MBNL2: variants seen among roughly 807,000 people sequenced by gnomAD.
The protein encoded by MBNL2 is muscleblind like splicing regulator 2.
MBNL2 carries 17 observed loss-of-function variants against 41.9 expected under a neutral mutation model. The ratio of observed to expected loss-of-function variants is 0.41; its 90% CI spans 0.28 to 0.61. The LOEUF is 0.61. Ranked by LOEUF, MBNL2 falls within the 20% of genes least tolerant of loss-of-function variation. The probability of loss-of-function intolerance (pLI) is 0.35; values close to 1 mark genes in which losing one functional copy is unlikely to be tolerated. For missense variants in MBNL2, 336 were observed against 505.6 expected (o/e 0.66, Z 3.22); for synonymous variants, 195 against 182.9 (o/e 1.07, Z -0.53).
intron 3 of MBNL2, among the ~76,000 whole-genome samples, chr13:97,340,509 G>A (rs1222521286): frequency 6.6e-6 from 1 of 152,154 alleles, no homozygotes; most frequent in Non-Finnish European, 1.5e-5. Context: ...GATTTTTACA[G>A]TATTAATGAG....
At chr13:97,308,220 C>T (rs1028969033) in intron 2 of MBNL2, among the ~76,000 whole-genome samples, 1 of 152,184 alleles carries the variant, frequency 6.6e-6, no homozygotes, top group Admixed American at 6.5e-5. Context: ...AAAACTGTTG[C>T]GAGGGCTTTA....
intron 1 of MBNL2, among the ~76,000 whole-genome samples, chr13:97,230,602 A>G (rs1285918568): frequency 2.0e-5 from 3 of 152,254 alleles, no homozygotes; most frequent in Non-Finnish European, 4.4e-5. Context: ...CTTGGGGAAC[A>G]TGGCAAGGGC....
At chr13:97,310,884 A>G (rs2058544847) in intron 2 of MBNL2, among the ~76,000 whole-genome samples, 1 of 151,762 alleles carries the variant, frequency 6.6e-6, no homozygotes, top group Non-Finnish European at 1.5e-5. Flanking sequence ...TTTATTAGAT[A>G]GAACTTTAGC....
the MBNL2 span, among the ~76,000 whole-genome samples, chr13:97,190,251 A>G: frequency 6.6e-6 from 1 of 152,342 alleles, no homozygotes; most frequent in Non-Finnish European, 1.5e-5. Flanking sequence ...TGTTCTGTGT[A>G]AATAAATGTT....
intron 8 of MBNL2, among the ~76,000 whole-genome samples, chr13:97,375,334 G>A (rs1021645200): frequency 1.3e-5 from 2 of 152,188 alleles, no homozygotes; most frequent in Non-Finnish European, 2.9e-5. Context: ...CCTAGTCAAA[G>A]AGATCTGAAA....
chr13:97,142,665 A>G, the MBNL2 span, among the ~76,000 whole-genome samples: 1 of 152,100 alleles, frequency 6.6e-6, no homozygotes, highest in Admixed American at 6.5e-5. Flanking sequence ...CGGCTTTCCT[A>G]GGTATCTCCT....
the MBNL2 span, among the ~76,000 whole-genome samples, chr13:97,155,790 C>A: frequency 6.6e-6 from 1 of 151,898 alleles, no homozygotes; most frequent in East Asian, 1.9e-4. Context: ...TTAATCCAGT[C>A]TATCATTGTT....
the MBNL2 span, among the ~76,000 whole-genome samples, chr13:97,151,998 C>G: frequency 6.6e-6 from 1 of 151,934 alleles, no homozygotes; most frequent in Admixed American, 6.6e-5. Flanking sequence ...CCAAGGATGA[C>G]CAGTAATTTT....
chr13:97,278,634 A>G (rs2052690550), intron 2 of MBNL2, among the ~76,000 whole-genome samples: 1 of 152,230 alleles, frequency 6.6e-6, no homozygotes, highest in African/African-American at 2.4e-5. Context: ...GCATAAAAAC[A>G]TAAGCCAAGT....
chr13:97,222,521 A>C lies in MBNL2; in HGVS notation c.-615A>C. 2.5e-6 allele frequency: 1 copy of C among 398,606 alleles called. No individual in the cohort carries two copies. The highest frequency in any genetic ancestry group is 3.6e-5 in the East Asian group (1 of 28,082). The allele number at this position is 398,606 out of a possible 1,614,324, so 24.7% of individuals were successfully genotyped here. A position where few individuals can be genotyped will look rare whatever the true frequency, so the allele number is the denominator to read the frequency against. On this transcript the variant is annotated 5_prime_UTR_variant, in exon 1 of 9. Transcript: ENST00000679496. ...TACTGTAAATGGGAAGGACAGGCAG[A>C]GCTAAACAAGGTAGGAGAATCGCCC...
intron 2 of MBNL2, among the ~76,000 whole-genome samples, chr13:97,296,418 G>A (rs894405713): frequency 6.6e-6 from 1 of 152,134 alleles, no homozygotes; most frequent in Non-Finnish European, 1.5e-5. Flanking sequence ...TCATGTCTTT[G>A]AGTATCTGAA....
At chr13:97,212,640 C>A in the MBNL2 span, among the ~76,000 whole-genome samples, 1 of 152,190 alleles carries the variant, frequency 6.6e-6, no homozygotes, top group Non-Finnish European at 1.5e-5. Context: ...GGAAAGGTTA[C>A]TTAATCATTC....
chr13:97,237,548 G>A (rs180876466), intron 1 of MBNL2, among the ~76,000 whole-genome samples: 13 of 152,324 alleles, frequency 8.5e-5, no homozygotes, highest in Non-Finnish European at 1.8e-4. Flanking sequence ...ATGCCTGTGA[G>A]ATTAGTGCCA....
chr13:97,159,793 A>T, the MBNL2 span, among the ~76,000 whole-genome samples: 5 of 151,214 alleles, frequency 3.3e-5, no homozygotes, highest in Admixed American at 6.6e-5. Context: ...CTTCCCTTTG[A>T]GGGTAACCCG....
At chr13:97,168,260 G>C in the MBNL2 span, among the ~76,000 whole-genome samples, 2 of 152,086 alleles carry the variant, frequency 1.3e-5, no homozygotes, top group Non-Finnish European at 2.9e-5. Context: ...CACCATGCCC[G>C]GCCTTGCGTA....
the MBNL2 span, among the ~76,000 whole-genome samples, chr13:97,156,866 C>G: frequency 8.2e-4 from 125 of 152,302 alleles, no homozygotes; most frequent in Non-Finnish European, 1.6e-3. Context: ...TTAGGATTGA[C>G]TTGGTGATGC....
chr13:97,382,504 A>G (rs2153160514), intron 8 of MBNL2, among the ~76,000 whole-genome samples: 1 of 152,310 alleles, frequency 6.6e-6, no homozygotes, highest in East Asian at 1.9e-4. Context: ...CTAGAATGTC[A>G]TCCGGGGAAA....
chr13:97,287,447 A>G (rs1043413999), intron 2 of MBNL2, among the ~76,000 whole-genome samples: 2 of 152,172 alleles, frequency 1.3e-5, no homozygotes, highest in Admixed American at 1.3e-4. Flanking sequence ...CGATGCATAT[A>G]ATATATAGTG....
Position 97,373,351 on chromosome 13 carries a change from T to C in MBNL2, c.1048+8180T>C, listed in dbSNP as rs148296434. ...AGGTTGGAGAATGGATGTGGTTACTTCAGATGAGGGAGAATTGCCATATCA... is the reference window on the plus strand; with the variant it reads ...AGGTTGGAGAATGGATGTGGTTACTCCAGATGAGGGAGAATTGCCATATCA... On this transcript the variant is annotated intron_variant, in intron 8 of 8. Transcript: ENST00000679496. Among the ~76,000 whole-genome samples, 569 of 151,796 alleles carry C rather than the reference T, an allele frequency of 3.7e-3. 3 individuals carry two copies. Among genetic ancestry groups the C allele is most frequent in the African/African-American group, 0.013 (544 of 41,342 alleles).
Sources: gnomAD v4.1 joint callset for allele counts (sites outside exome capture counted in the v4.1 genomes callset) on GRCh38, gnomAD v4.1.1 for gene constraint, MANE v1.5 for transcripts, NCBI Gene and HGNC (gene_info 2026-07-23, HGNC 2026-07-21) for gene names.